Variants in MGAT4C observed in about 807,000 individuals in gnomAD.
The protein encoded by MGAT4C is alpha-1,3-mannosyl-glycoprotein 4-beta-N-acetylglucosaminyltransferase C.
Under a neutral mutation model 40.1 loss-of-function variants are expected in MGAT4C, and 19 were observed. The observed-to-expected ratio is 0.47, with a 90% CI of 0.33 to 0.70. MGAT4C has a LOEUF of 0.70. Among genes scored for constraint, MGAT4C ranks in the 30% least tolerant of loss-of-function variants. The probability of loss-of-function intolerance (pLI) is 0.02; values close to 1 mark genes in which losing one functional copy is unlikely to be tolerated. For synonymous variants in MGAT4C, 181 were observed against 187.1 expected (o/e 0.97, Z 0.27); for missense variants, 491 against 563.2 (o/e 0.87, Z 1.30).
At chr12:86,807,021 A>AT (rs1247986023) in intron 1 of MGAT4C, among the ~76,000 whole-genome samples, 18 of 150,776 alleles carry the variant, frequency 1.2e-4, no homozygotes, top group South Asian at 4.2e-4. Context: ...GTATATATAT[A>AT]AATAAAAAAT....
chr12:86,448,465 T>A (rs1410910331), intron 2 of MGAT4C, among the ~76,000 whole-genome samples: 2 of 152,190 alleles, frequency 1.3e-5, no homozygotes, highest in South Asian at 4.1e-4. Context: ...CCTATCTTAA[T>A]ATGCTTCATT....
At chr12:86,492,502 G>A (rs61950779) in intron 2 of MGAT4C, among the ~76,000 whole-genome samples, 15,790 of 152,044 alleles carry the variant, frequency 0.1, 1,026 homozygotes, top group Middle Eastern at 0.25. Context: ...CGTATCTACA[G>A]CTATCTGATC....
chr12:86,272,183 A>G (rs968291969), intron 4 of MGAT4C, among the ~76,000 whole-genome samples: 1 of 152,232 alleles, frequency 6.6e-6, no homozygotes, highest in East Asian at 1.9e-4. Flanking sequence ...TACCTGTAAC[A>G]CAATTTCCCA....
At chr12:86,329,676 T>C (rs1336038097) in intron 4 of MGAT4C, among the ~76,000 whole-genome samples, 2 of 152,166 alleles carry the variant, frequency 1.3e-5, no homozygotes, top group African/African-American at 4.8e-5. Context: ...CTATAAACTT[T>C]ATAATATACT....
At chr12:86,680,865 A>C (rs1350743758) in intron 2 of MGAT4C, among the ~76,000 whole-genome samples, 4 of 151,928 alleles carry the variant, frequency 2.6e-5, no homozygotes, top group Non-Finnish European at 5.9e-5. Flanking sequence ...ATAGTTGTGA[A>C]TTTAGAGCTG....
chr12:86,646,674 T>C (rs1963551026), intron 2 of MGAT4C, among the ~76,000 whole-genome samples: 1 of 151,954 alleles, frequency 6.6e-6, no homozygotes, highest in Non-Finnish European at 1.5e-5. Flanking sequence ...CACTTCTGTC[T>C]AAAGCCTCAT....
In MGAT4C at chr12:85,959,929, GT is replaced by G. The variant is rs557040550; in HGVS notation, c.*19359del. On this transcript the variant is annotated 3_prime_UTR_variant, in exon 5 of 5. Coordinates refer to ENST00000611864, the MANE Select transcript of MGAT4C (RefSeq NM_001351288.2). ...TCTAAACTTATTTAGATCAAGGTCAGTTTTTTTACTCCTCTGTAGAACTGTG... is the reference window on the plus strand; with the variant it reads ...TCTAAACTTATTTAGATCAAGGTCAGTTTTTTACTCCTCTGTAGAACTGTG... The G allele has an allele frequency of 2.0e-3, 309 of 151,856 alleles. No homozygotes were observed. Among genetic ancestry groups the G allele is most frequent in the African/African-American group, 7.2e-3 (297 of 41,470 alleles). The allele number at this position is 151,856 out of a possible 1,614,324, so 9.4% of individuals were successfully genotyped here.
intron 2 of MGAT4C, among the ~76,000 whole-genome samples, chr12:85,999,249 G>T (rs1424063280): frequency 6.6e-6 from 1 of 152,128 alleles, no homozygotes; most frequent in African/African-American, 2.4e-5. Context: ...AATTGTGGGA[G>T]TTGCAGTTCA....
rs561334737 is a variant in MGAT4C, at chr12:86,768,849, C to A, written c.-261-41608G>T. Among the ~76,000 whole-genome samples, 805 of 151,922 alleles carry A rather than the reference C, an allele frequency of 5.3e-3. 3 individuals are homozygous for A. Among genetic ancestry groups the A allele is most frequent in the Non-Finnish European group, 8.6e-3 (586 of 67,852 alleles). On this transcript the variant is annotated intron_variant, in intron 1 of 7. Transcript: ENST00000548651. ...GCTGAAACTGGATCCCTTCCTTACA[C>A]CTTATACAAAAATTAATTCAAGATG... is the stretch of plus-strand genomic sequence containing the variant.
At position 86,612,343 on chromosome 12, in the gene MGAT4C, T is replaced by C. The variant is rs1962311599; in HGVS notation, c.-229+114866A>G. Among the ~76,000 whole-genome samples the C allele has an allele frequency of 2.6e-5, 4 of 152,328 alleles. No individual in the cohort carries two copies. In the South Asian group the frequency reaches 8.3e-4, roughly 32 times the overall value. On this transcript the variant is annotated intron_variant, in intron 2 of 7. Coordinates refer to the MGAT4C transcript ENST00000548651. The stretch of plus-strand genomic sequence containing the variant: ...ATTTCTATTAGCTAGCTGTACATCT[T>C]TCTCTGTTCTTCATCTTCCATAGAT...
At chr12:86,750,983 G>A (rs1951223580) in intron 1 of MGAT4C, among the ~76,000 whole-genome samples, 1 of 151,900 alleles carries the variant, frequency 6.6e-6, no homozygotes, top group African/African-American at 2.4e-5. Flanking sequence ...CTGTGAGAGG[G>A]TTGTAAGTTA....
chr12:86,234,145 T>C (rs937983349), intron 1 of MGAT4C, among the ~76,000 whole-genome samples: 7 of 152,218 alleles, frequency 4.6e-5, no homozygotes, highest in Admixed American at 3.3e-4. Context: ...GAAAAAGCCA[T>C]CTGGTTTAGT....
chr12:86,301,995 C>T (rs1953824324), intron 4 of MGAT4C, among the ~76,000 whole-genome samples: 1 of 141,526 alleles, frequency 7.1e-6, no homozygotes, highest in South Asian at 2.1e-4. Flanking sequence ...GTATGTTCTG[C>T]ATTGCTGCAA....
intron 2 of MGAT4C, among the ~76,000 whole-genome samples, chr12:86,490,402 CT>C (rs1168078206): frequency 3.3e-5 from 5 of 151,884 alleles, no homozygotes; most frequent in Non-Finnish European, 7.4e-5. Flanking sequence ...CAGGACTGCC[CT>C]AAAAGAGCTC....
intron 2 of MGAT4C, among the ~76,000 whole-genome samples, chr12:86,663,719 GC>G (rs1964035575): frequency 6.6e-6 from 1 of 152,078 alleles, no homozygotes; most frequent in Non-Finnish European, 1.5e-5. Flanking sequence ...CTACCTAATA[GC>G]CCCCTCCCCT....
Position 86,774,346 on chromosome 12 carries a change from TC to T in MGAT4C, c.-261-47106del, listed in dbSNP as rs1565981709. On this transcript the variant is annotated intron_variant, in intron 1 of 7. Transcript: ENST00000548651. ...TTCTTTCTTTCTTTCTTTCTGTCTC[TC>T]TCTCTCCCCTCTCTCTCTCTCTCTT... Among the ~76,000 whole-genome samples, 68 of 88,280 alleles carry T rather than the reference TC, an allele frequency of 7.7e-4. 1 individual carries two copies. The highest frequency in any genetic ancestry group is 1.2e-3 in the Non-Finnish European group (47 of 40,284). The allele number at this position is 88,280 out of a possible 152,430, so 57.9% of individuals were successfully genotyped here. A position where few individuals can be genotyped will look rare whatever the true frequency, so the allele number is the denominator to read the frequency against.
chr12:86,494,596 A>G lies in MGAT4C; in HGVS notation c.-228-59331T>C, dbSNP rs1415875201. 3.3e-5 allele frequency among the ~76,000 whole-genome samples: 5 copies of G among 151,956 alleles called. No individual in the cohort carries two copies. The East Asian group carries it at 7.7e-4, about 23-fold the overall frequency. On this transcript the variant is annotated intron_variant, in intron 2 of 7. Transcript: ENST00000548651. ...GAAAGCATTGTATAAATGATGCAAG[A>G]AACCCCACAAACCATAGCAATCATT... is the stretch of plus-strand genomic sequence containing the variant.
At chr12:86,644,764 A>G (rs1274412203) in intron 2 of MGAT4C, among the ~76,000 whole-genome samples, 6 of 151,778 alleles carry the variant, frequency 4.0e-5, no homozygotes, top group Non-Finnish European at 8.8e-5. Context: ...ATTTAATTTT[A>G]TCTATATAAT....
intron 1 of MGAT4C, among the ~76,000 whole-genome samples, chr12:86,126,533 T>G (rs1321047415): frequency 3.3e-5 from 5 of 152,158 alleles, no homozygotes; most frequent in African/African-American, 1.2e-4. Flanking sequence ...AAATAAGATA[T>G]CTCAGTTTCT....
Sources: gnomAD v4.1 joint callset for allele counts (sites outside exome capture counted in the v4.1 genomes callset) on GRCh38, gnomAD v4.1.1 for gene constraint, MANE v1.5 for transcripts, NCBI Gene and HGNC (gene_info 2026-07-23, HGNC 2026-07-21) for gene names.